PRKAG2: variants seen among roughly 807,000 people sequenced by gnomAD.
The protein encoded by PRKAG2 is protein kinase AMP-activated non-catalytic subunit gamma 2.
PRKAG2 carries 26 observed loss-of-function variants against 69.6 expected under a neutral mutation model. That is an observed-to-expected ratio of 0.37 (90% CI 0.27 to 0.52). The LOEUF is 0.52. PRKAG2 is among the 20% of genes least tolerant of loss of function. The pLI, the probability that PRKAG2 is intolerant of heterozygous loss-of-function variation, is 0.90. For missense variants in PRKAG2, 557 were observed against 740.0 expected, an observed-to-expected ratio of 0.75 and a Z score of 2.87; for synonymous variants, 293 against 285.0, an observed-to-expected ratio of 1.03 and a Z score of -0.28.
At chr7:151,676,327 C>A (rs1055620909) in intron 3 of PRKAG2, among the ~76,000 whole-genome samples, 2 of 152,022 alleles carry the variant, frequency 1.3e-5, no homozygotes, top group South Asian at 2.1e-4. Context: ...ATGAACATCA[C>A]CACTGTAAGT....
intron 3 of PRKAG2, among the ~76,000 whole-genome samples, chr7:151,714,856 A>G (rs1795906018): frequency 6.6e-6 from 1 of 151,466 alleles, no homozygotes; most frequent in Admixed American, 6.6e-5. Flanking sequence ...AGGCTGAGGC[A>G]GGAGAATCGC....
In PRKAG2 at chr7:151,614,349, G is replaced by A. The variant is rs948668132; in HGVS notation, c.754+17720C>T. Reference sequence around the variant, plus strand: ...AGCAGGGTGGCAGGGAGGCCATGGGGTCGGTTACGTTGGGCGCTTGGCATG... The same window carrying A: ...AGCAGGGTGGCAGGGAGGCCATGGGATCGGTTACGTTGGGCGCTTGGCATG... On this transcript the variant is annotated intron_variant, in intron 5 of 15. Transcript: ENST00000287878. The surrounding 1 kb of genome is among the most constrained non-coding windows in gnomAD (Gnocchi z 4.4). Among the ~76,000 whole-genome samples, 1 of 152,258 alleles carries A rather than the reference G, an allele frequency of 6.6e-6. No individual in the cohort carries two copies. The highest frequency in any genetic ancestry group is 2.1e-4 in the South Asian group (1 of 4,824).
At chr7:151,702,701 T>C (rs560581489) in intron 3 of PRKAG2, among the ~76,000 whole-genome samples, 1 of 152,190 alleles carries the variant, frequency 6.6e-6, no homozygotes, top group Admixed American at 6.5e-5. Context: ...AAACACCAAG[T>C]CCTGTTATTG....
rs139619458 is a variant in PRKAG2, at chr7:151,610,315, G to A, written c.755-14861C>T. Among the ~76,000 whole-genome samples, 1,280 of 152,298 alleles carry A rather than the reference G, an allele frequency of 8.4e-3. 23 individuals carry two copies. Among genetic ancestry groups the A allele is most frequent in the African/African-American group, 0.029 (1,223 of 41,562 alleles). On this transcript the variant is annotated intron_variant, in intron 5 of 15. Coordinates refer to ENST00000287878, the MANE Select transcript of PRKAG2 (RefSeq NM_016203.4). ...ACCTGGGAGGCGGAGCTTGCAGCAA[G>A]CCGAGATTGCGCCACTGCACTCCAG...
intron 1 of PRKAG2, among the ~76,000 whole-genome samples, chr7:151,852,767 C>A (rs1276462846): frequency 6.6e-6 from 1 of 152,098 alleles, no homozygotes; most frequent in Non-Finnish European, 1.5e-5. Context: ...GGGGTGTGCA[C>A]GGAGCTTCTG....
chr7:151,817,558 C>T (rs562483805), intron 1 of PRKAG2, among the ~76,000 whole-genome samples: 78 of 152,292 alleles, frequency 5.1e-4, no homozygotes, highest in African/African-American at 1.8e-3. Flanking sequence ...GACCCTTGGG[C>T]CCCGCATGCA....
chr7:151,794,545 G>A (rs1223277743), intron 1 of PRKAG2, among the ~76,000 whole-genome samples: 1 of 152,264 alleles, frequency 6.6e-6, no homozygotes, highest in Non-Finnish European at 1.5e-5. Flanking sequence ...GGCACACTGG[G>A]GCCTGATGAT....
At chr7:151,810,978 G>A (rs1312649767) in intron 1 of PRKAG2, among the ~76,000 whole-genome samples, 1 of 152,046 alleles carries the variant, frequency 6.6e-6, no homozygotes, top group Non-Finnish European at 1.5e-5. Flanking sequence ...GAACCACCAT[G>A]GGACCCCAGG....
At chr7:151,731,386 G>A (rs887788568) in intron 3 of PRKAG2, among the ~76,000 whole-genome samples, 3 of 152,224 alleles carry the variant, frequency 2.0e-5, no homozygotes, top group Non-Finnish European at 4.4e-5. Context: ...AGGGGGCTCT[G>A]TCACAAGGCC....
chr7:151,855,015 CCTCCACACACACCATG>C lies in PRKAG2; in HGVS notation c.114+21476_114+21491del, dbSNP rs1329741322. On this transcript the variant is annotated intron_variant, in intron 1 of 15. Coordinates refer to ENST00000287878, the MANE Select transcript of PRKAG2 (RefSeq NM_016203.4). The stretch of plus-strand genomic sequence containing the variant: ...ACACACCATGCTCCACACACACCAC[CCTCCACACACACCATG>C]CTCCACACACACCGCCCTCCACACA... Among the ~76,000 whole-genome samples the C allele has an allele frequency of 2.7e-4, 25 of 93,878 alleles. 2 individuals carry two copies. Among genetic ancestry groups the C allele is most frequent in the African/African-American group, 4.0e-4 (10 of 24,882 alleles). 61.6% of individuals were successfully genotyped at this position (93,878 alleles called of 152,430 possible). A position where few individuals can be genotyped will look rare whatever the true frequency, so the allele number is the denominator to read the frequency against.
intron 3 of PRKAG2, among the ~76,000 whole-genome samples, chr7:151,686,128 C>T (rs1160763959): frequency 6.6e-6 from 1 of 152,086 alleles, no homozygotes; most frequent in East Asian, 1.9e-4. Flanking sequence ...GTTCTCAAAC[C>T]TGGCTGGGCC....
At chr7:151,703,835 T>A (rs2151578027) in intron 3 of PRKAG2, among the ~76,000 whole-genome samples, 1 of 139,830 alleles carries the variant, frequency 7.2e-6, no homozygotes, top group South Asian at 2.3e-4. Context: ...AAACCCTGTC[T>A]TTACTGGAAA....
At chr7:151,675,221 A>G (rs1245100248) in intron 4 of PRKAG2, 199 bp downstream of exon 4, 4 of 659,752 alleles carry the variant, frequency 6.1e-6, no homozygotes, top group African/African-American at 5.3e-5. Flanking sequence ...GCACCCAGCT[A>G]TTTTTTGTGT....
At chr7:151,829,613 AAAC>A (rs2078978791) in intron 1 of PRKAG2, among the ~76,000 whole-genome samples, 1 of 152,086 alleles carries the variant, frequency 6.6e-6, no homozygotes, top group African/African-American at 2.4e-5. Flanking sequence ...CAAAAGGCGG[AAAC>A]AACCCAAATT....
At chr7:151,761,372 G>A (rs1409090416) in intron 3 of PRKAG2, among the ~76,000 whole-genome samples, 1 of 152,190 alleles carries the variant, frequency 6.6e-6, no homozygotes, top group Admixed American at 6.5e-5. Context: ...AATTACTCCT[G>A]TAGATAACAT....
At chr7:151,722,672 C>T (rs758295576) in intron 3 of PRKAG2, among the ~76,000 whole-genome samples, 63 of 152,090 alleles carry the variant, frequency 4.1e-4, no homozygotes, top group Non-Finnish European at 1.5e-4. Context: ...CCATGCTCTG[C>T]GAGGTTCGTG....
chr7:151,800,251 G>A (rs1243887590), intron 1 of PRKAG2, among the ~76,000 whole-genome samples: 3 of 151,852 alleles, frequency 2.0e-5, no homozygotes, highest in Non-Finnish European at 2.9e-5. Flanking sequence ...CAAGCTACTC[G>A]GGAGGCTGAG....
chr7:151,717,253 A>G (rs990385255), intron 3 of PRKAG2, among the ~76,000 whole-genome samples: 4 of 128,176 alleles, frequency 3.1e-5, no homozygotes, highest in Admixed American at 7.4e-5. Flanking sequence ...TGTCAAAAAG[A>G]AAAAAAAAAA....
intron 1 of PRKAG2, 92 bp downstream of exon 1, chr7:151,876,415 C>T (rs1229887884): frequency 1.6e-6 from 2 of 1,283,098 alleles, no homozygotes; most frequent in East Asian, 2.3e-5. Context: ...GCACGCACGG[C>T]GCGCGCGGGG....
Sources: allele counts gnomAD v4.1 joint callset (sites outside exome capture counted in the v4.1 genomes callset), GRCh38; gene constraint gnomAD v4.1.1; non-coding constraint Gnocchi (gnomAD v3.1); transcripts MANE v1.5; gene names NCBI Gene and HGNC (gene_info 2026-07-23, HGNC 2026-07-21).